ANKMY1: variants seen among roughly 807,000 people sequenced by gnomAD.
ANKMY1 encodes the protein ankyrin repeat and MYND domain containing 1.
A neutral mutation model predicts 102.0 loss-of-function variants in ANKMY1; 98 were observed. The observed-to-expected ratio is 0.96, with a 90% CI of 0.82 to 1.14. The LOEUF (loss-of-function observed/expected upper bound fraction) is 1.14, where lower values mean the gene tolerates loss of function less well. Ranked by LOEUF, ANKMY1 falls within the 50% of genes most tolerant of loss-of-function variation. The pLI, the probability that ANKMY1 is intolerant of heterozygous loss-of-function variation, is 0.00. For missense variants in ANKMY1, 1,330 were observed against 1,347.6 expected, an observed-to-expected ratio of 0.99 and a Z score of 0.20; for synonymous variants, 582 against 559.9, an observed-to-expected ratio of 1.04 and a Z score of -0.56.
chr2:240,507,843 A>G, intron 12 of ANKMY1, 152 bp from the exon 13 acceptor site: 1 of 879,450 alleles, frequency 1.1e-6, no homozygotes, highest in Non-Finnish European at 1.6e-6. Context: ...TCCTACCCAC[A>G]GTGGGTCCCG....
At position 240,524,071 on chromosome 2, in the gene ANKMY1, C is replaced by A. The variant is rs2082861529; in HGVS notation, c.1646G>T (p.Ser549Ile). 6.2e-7 allele frequency: 1 copy of A among 1,614,068 alleles called. No individual in the cohort carries two copies. The highest frequency in any genetic ancestry group is 1.3e-5 in the African/African-American group (1 of 75,070). ...AAATTTCGTCTCAGCACTGCACAGA[C>A]TGCCCCGGTCTGTGTTTCCCAACAC... The part of the protein sequence containing the change: ...EDVLGNTDRG[S>I]LCSAETKFES... The change falls in exon 8 of 18, where the codon AGT becomes ATT. Residue 549 changes from serine to isoleucine, a missense_variant. Transcript: ENST00000401804.
upstream of ANKMY1, among the ~76,000 whole-genome samples, chr2:240,558,997 C>A (rs771546248): frequency 2.6e-5 from 4 of 152,300 alleles, no homozygotes; most frequent in South Asian, 2.1e-4. Flanking sequence ...GATTTCACAA[C>A]CCACATTAGT....
chr2:240,555,136 CA>C (rs1218069886), intron 2 of ANKMY1, 81 bp from the exon 3 acceptor site: 1 of 1,442,644 alleles, frequency 6.9e-7, no homozygotes, highest in Non-Finnish European at 9.6e-7. Context: ...CCCCCGAGCA[CA>C]ACCCAGCATC....
chr2:240,507,845 T>C (rs2079371788), intron 12 of ANKMY1, 154 bp from the exon 13 acceptor site: 1 of 856,730 alleles, frequency 1.2e-6, no homozygotes, highest in East Asian at 3.2e-5. Context: ...CTACCCACAG[T>C]GGGTCCCGCT....
chr2:240,555,843 G>A (rs2125225587), intron 2 of ANKMY1, among the ~76,000 whole-genome samples: 1 of 152,074 alleles, frequency 6.6e-6, no homozygotes, highest in African/African-American at 2.4e-5. Flanking sequence ...AACACAGGTG[G>A]ATGGGGTGCC....
intron 4 of ANKMY1, among the ~76,000 whole-genome samples, chr2:240,536,719 G>C (rs1018085432): frequency 1.3e-5 from 2 of 152,164 alleles, no homozygotes; most frequent in African/African-American, 4.8e-5. Context: ...AGATTAGACA[G>C]TCAAAAAATA....
At chr2:240,481,245 CACAGACAAAAACCCCCA>C in intron 16 of ANKMY1, 148 bp from the exon 17 acceptor site, 1 of 997,340 alleles carries the variant, frequency 1.0e-6, no homozygotes, top group South Asian at 2.0e-5. Context: ...AGCCTTCACA[CACAGACAAAAACCCCCA>C]AGTCCTCGTC....
intron 4 of ANKMY1, among the ~76,000 whole-genome samples, chr2:240,546,827 T>C (rs540772113): frequency 6.6e-5 from 10 of 152,336 alleles, no homozygotes; most frequent in Admixed American, 1.3e-4. Context: ...TAAATATATA[T>C]GCACCCAATA....
At position 240,529,514 on chromosome 2, in the gene ANKMY1, C is replaced by A. The variant is rs1212611632; in HGVS notation, c.481-5G>T. On this transcript the variant is annotated splice_region_variant and splice_polypyrimidine_tract_variant and intron_variant, in intron 4 of 17. Transcript: ENST00000401804. This position sits in a 1 kb window ranked among gnomAD's most constrained non-coding sequence, Gnocchi z 4.2. ...CTGGTCCGCTTTGTATAGCCCCTGC[C>A]AAGGAAGCGCAATAGACCGAGGAGA... The A allele has an allele frequency of 6.2e-7, 1 of 1,606,050 alleles. No individual in the cohort carries two copies. Among genetic ancestry groups the A allele is most frequent in the African/African-American group, 1.3e-5 (1 of 74,850 alleles).
At position 240,499,920 on chromosome 2, in the gene ANKMY1, G is replaced by A. The variant is rs12994534; in HGVS notation, c.2806+38C>T. The A allele has an allele frequency of 0.36, 571,704 of 1,569,662 alleles. 111,889 individuals carry two copies. The highest frequency in any genetic ancestry group is 0.76 in the East Asian group (33,261 of 43,918). The stretch of plus-strand genomic sequence containing the variant: ...GCCCCAGGCACGAGGCCGGAACGCC[G>A]CCCTGTGGAGCAGAGCAGAGCAGGG... On this transcript the variant is annotated intron_variant, in intron 15 of 17. Coordinates refer to ENST00000401804, the MANE Select transcript of ANKMY1 (RefSeq NM_001282771.3). The surrounding 1 kb of genome is among the most constrained non-coding windows in gnomAD (Gnocchi z 4.2).
intron 15 of ANKMY1, 152 bp from the exon 16 acceptor site, chr2:240,482,413 G>T (rs950950161): frequency 1.2e-4 from 75 of 648,256 alleles, no homozygotes; most frequent in Non-Finnish European, 2.5e-6. Context: ...TCCATAGTGG[G>T]TGCGAGGACG....
chr2:240,495,845 G>A (rs2077189457), intron 15 of ANKMY1, among the ~76,000 whole-genome samples: 1 of 152,100 alleles, frequency 6.6e-6, no homozygotes, highest in Non-Finnish European at 1.5e-5. Flanking sequence ...CCCTATATTG[G>A]GAATTCACTC....
chr2:240,484,549 A>C (rs1320877979), intron 15 of ANKMY1, among the ~76,000 whole-genome samples: 1 of 152,186 alleles, frequency 6.6e-6, no homozygotes, highest in Non-Finnish European at 1.5e-5. Flanking sequence ...TACAAAAATT[A>C]ACTCAAGATG....
chr2:240,483,808 T>C (rs2075729808), intron 15 of ANKMY1, among the ~76,000 whole-genome samples: 1 of 152,164 alleles, frequency 6.6e-6, no homozygotes, highest in South Asian at 2.1e-4. Context: ...CTACATTAGG[T>C]ATTTCTTCTA....
downstream of ANKMY1, among the ~76,000 whole-genome samples, chr2:240,475,315 G>A (rs2074782473): frequency 1.3e-5 from 2 of 151,938 alleles, no homozygotes; most frequent in Admixed American, 1.3e-4. Context: ...AAAGTTGCAA[G>A]ATACAATATC....
At chr2:240,539,380 G>A (rs1559359792) in intron 4 of ANKMY1, among the ~76,000 whole-genome samples, 1 of 152,130 alleles carries the variant, frequency 6.6e-6, no homozygotes, top group East Asian at 1.9e-4. Flanking sequence ...CACCGTGAAG[G>A]TCTGCAGCTT....
chr2:240,493,881 T>C (rs897221482), intron 15 of ANKMY1, among the ~76,000 whole-genome samples: 1 of 152,128 alleles, frequency 6.6e-6, no homozygotes, highest in Non-Finnish European at 1.5e-5. Context: ...GCAGGCAAAT[T>C]CTTGGATCCC....
intron 15 of ANKMY1, among the ~76,000 whole-genome samples, chr2:240,495,634 T>G (rs532457512): frequency 1.4e-4 from 21 of 152,282 alleles, no homozygotes; most frequent in African/African-American, 5.1e-4. Context: ...TGCCCCCTTG[T>G]CTTGTATCCA....
chr2:240,476,507 G>A (rs528333391), downstream of ANKMY1, among the ~76,000 whole-genome samples: 10 of 147,942 alleles, frequency 6.8e-5, no homozygotes, highest in South Asian at 2.3e-3. Flanking sequence ...AAAGCACATG[G>A]TCACCGCAGG....
Sources: allele counts gnomAD v4.1 joint callset (sites outside exome capture counted in the v4.1 genomes callset), GRCh38; gene constraint gnomAD v4.1.1; non-coding constraint Gnocchi (gnomAD v3.1); transcripts MANE v1.5; gene names NCBI Gene and HGNC (gene_info 2026-07-23, HGNC 2026-07-21).